The following SH3KBP1 variants were observed in gnomAD, a reference collection of about 807,000 sequenced individuals.
The protein encoded by SH3KBP1 is SH3 domain-containing kinase-binding protein 1.
In SH3KBP1, 8 loss-of-function variants were observed where a neutral mutation model predicts 50.1. The ratio of observed to expected loss-of-function variants is 0.16; its 90% CI spans 0.09 to 0.29. SH3KBP1 has a LOEUF of 0.29. Ranked by LOEUF, SH3KBP1 falls within the 10% of genes least tolerant of loss-of-function variation. The pLI, the probability that SH3KBP1 is intolerant of heterozygous loss-of-function variation, is 1.00. For synonymous variants in SH3KBP1, 227 were observed against 218.6 expected (o/e 1.04, Z -0.34); for missense variants, 377 against 535.2 (o/e 0.70, Z 2.92).
intron 10 of SH3KBP1, among the ~76,000 whole-genome samples, chrX:19,592,386 T>C: frequency 8.9e-6 from 1 of 111,778 alleles, no homozygotes; most frequent in East Asian, 2.8e-4. Flanking sequence ...CCACTAATAA[T>C]ATTTTCTGAT....
At chrX:19,692,689 A>ATATATATTTTT (rs1556257878) in intron 5 of SH3KBP1, among the ~76,000 whole-genome samples, 2 of 75,087 alleles carry the variant, frequency 2.7e-5, no homozygotes, top group African/African-American at 1.1e-4. Flanking sequence ...ATATATATAT[A>ATATATATTTTT]TTTTTTTTTT....
chrX:19,726,263 G>A (rs985652921), intron 3 of SH3KBP1, among the ~76,000 whole-genome samples: 2 of 111,589 alleles, frequency 1.8e-5, no homozygotes, highest in South Asian at 3.7e-4. Flanking sequence ...GGAGGAAGGC[G>A]TCTGACAGAC....
At chrX:19,547,041 A>T (rs1434376998) in intron 14 of SH3KBP1, among the ~76,000 whole-genome samples, 1 of 109,792 alleles carries the variant, frequency 9.1e-6, no homozygotes, top group African/African-American at 3.3e-5. Context: ...AGTCCCAGCT[A>T]CTCGGGAGGC....
chrX:19,720,366 A>C (rs751055954), intron 3 of SH3KBP1, among the ~76,000 whole-genome samples: 1 of 110,768 alleles, frequency 9.0e-6, no homozygotes, highest in East Asian at 2.9e-4. Context: ...TCCAGAGGAG[A>C]GGGAGTCTGG....
intron 2 of SH3KBP1, among the ~76,000 whole-genome samples, chrX:19,793,602 A>C (rs1464105798): frequency 1.8e-5 from 2 of 111,042 alleles, no homozygotes; most frequent in African/African-American, 6.6e-5. Context: ...GCACATGTGA[A>C]TGCTATTATC....
intron 2 of SH3KBP1, among the ~76,000 whole-genome samples, chrX:19,778,384 TTG>T (rs1171588597): frequency 9.6e-6 from 1 of 103,662 alleles, no homozygotes; most frequent in African/African-American, 3.6e-5. Context: ...TGAGCCGAAA[TTG>T]TGCAACTGCA....
intron 8 of SH3KBP1, among the ~76,000 whole-genome samples, chrX:19,621,759 A>G (rs1364921113): frequency 8.9e-6 from 1 of 111,907 alleles, no homozygotes; most frequent in Non-Finnish European, 1.9e-5. Flanking sequence ...TAATTGTGAC[A>G]CAGACTGCAT....
At chrX:19,746,862 A>T (rs1164227885) in intron 2 of SH3KBP1, among the ~76,000 whole-genome samples, 3 of 112,037 alleles carry the variant, frequency 2.7e-5, no homozygotes, top group Non-Finnish European at 5.6e-5. Flanking sequence ...CCAAATTACC[A>T]TTGTGCTCAC....
At chrX:19,772,702 A>T (rs1259587646) in intron 2 of SH3KBP1, among the ~76,000 whole-genome samples, 5 of 111,602 alleles carry the variant, frequency 4.5e-5, no homozygotes, top group African/African-American at 6.5e-5. Context: ...GGGCGAGGAC[A>T]AATGTAATGC....
At chrX:19,675,409 CT>C (rs746659249) in intron 6 of SH3KBP1, among the ~76,000 whole-genome samples, 1,225 of 99,511 alleles carry the variant, frequency 0.012, 20 homozygotes, top group African/African-American at 0.037. Flanking sequence ...AACCACTATA[CT>C]TTTTTTTTTT....
chrX:19,678,343 C>T (rs1268499507), intron 6 of SH3KBP1, among the ~76,000 whole-genome samples: 1 of 105,136 alleles, frequency 9.5e-6, no homozygotes, highest in Non-Finnish European at 1.9e-5. Context: ...ATCAAAATTC[C>T]AGGAGGTTTT....
chrX:19,585,247 G>A (rs1300454592), intron 12 of SH3KBP1, among the ~76,000 whole-genome samples: 1 of 111,457 alleles, frequency 9.0e-6, no homozygotes, highest in Non-Finnish European at 1.9e-5. Flanking sequence ...AATGTACGGA[G>A]GCTGGGAAGG....
intron 2 of SH3KBP1, among the ~76,000 whole-genome samples, chrX:19,749,018 A>C (rs1286207282): frequency 2.7e-5 from 3 of 112,664 alleles, no homozygotes; most frequent in Admixed American, 1.9e-4. Flanking sequence ...AAAACATACA[A>C]GTGGCTAATG....
chrX:19,713,459 G>A (rs1321600705), intron 3 of SH3KBP1, among the ~76,000 whole-genome samples: 1 of 107,591 alleles, frequency 9.3e-6, no homozygotes, highest in Non-Finnish European at 1.9e-5. Flanking sequence ...ATGGGGTCTC[G>A]CTATGTTGCT....
intron 2 of SH3KBP1, among the ~76,000 whole-genome samples, chrX:19,760,397 A>AATACATAAATAC (rs2065381452): frequency 1.0e-5 from 1 of 96,640 alleles, no homozygotes; most frequent in Non-Finnish European, 2.0e-5. Flanking sequence ...AAAATAAATA[A>AATACATAAATAC]ATACATACAT....
At chrX:19,713,115 C>T (rs1479414950) in intron 3 of SH3KBP1, among the ~76,000 whole-genome samples, 2 of 109,482 alleles carry the variant, frequency 1.8e-5, no homozygotes, top group African/African-American at 6.7e-5. Flanking sequence ...CTCAGCTACT[C>T]GGGAGGCTGA....
At chrX:19,563,219 G>T (rs754555434) in intron 13 of SH3KBP1, among the ~76,000 whole-genome samples, 8 of 112,276 alleles carry the variant, frequency 7.1e-5, no homozygotes, top group Non-Finnish European at 1.1e-4. Flanking sequence ...GACTGAGAAA[G>T]TCTAAGTGGA....
chrX:19,541,063 C>G (rs1040188025), intron 16 of SH3KBP1, among the ~76,000 whole-genome samples: 10 of 111,010 alleles, frequency 9.0e-5, no homozygotes, highest in Non-Finnish European at 1.7e-4. Flanking sequence ...TACAGGTGCA[C>G]GCCACCACGC....
chrX:19,618,072 C>T (rs1190726938), intron 8 of SH3KBP1, among the ~76,000 whole-genome samples: 3 of 111,058 alleles, frequency 2.7e-5, no homozygotes, highest in Non-Finnish European at 5.7e-5. Flanking sequence ...GTGTGCTCAG[C>T]CTGTTTTCCT....
Sources: allele counts gnomAD v4.1 joint callset (sites outside exome capture counted in the v4.1 genomes callset), GRCh38; gene constraint gnomAD v4.1.1; transcripts MANE v1.5; gene names NCBI Gene and HGNC (gene_info 2026-07-23, HGNC 2026-07-21).